The following ERRFI1 variants were observed in gnomAD, a reference collection of about 807,000 sequenced individuals.
The protein encoded by ERRFI1 is mitogen-inducible gene 6 protein.
Under a neutral mutation model 14.6 loss-of-function variants are expected in ERRFI1, and 12 were observed. The observed-to-expected ratio is 0.82, with a 90% CI of 0.53 to 1.33. ERRFI1 has a LOEUF of 1.33. ERRFI1 is among the 40% of genes most tolerant of loss of function. The pLI is 0.00. For synonymous variants in ERRFI1, 202 were observed against 209.9 expected, an observed-to-expected ratio of 0.96 and a Z score of 0.32; for missense variants, 482 against 572.1, an observed-to-expected ratio of 0.84 and a Z score of 1.61.
chr1:8,013,157 A>G lies in ERRFI1; in HGVS notation c.*53T>C. ...TCTCTGCACTTCAATCAAACTGGAA[A>G]ATTGAGAACCATTTGCTCCTATGTA... is the stretch of plus-strand genomic sequence containing the variant. On this transcript the variant is annotated 3_prime_UTR_variant, in exon 4 of 4. Coordinates refer to ENST00000377482, the MANE Select transcript of ERRFI1 (RefSeq NM_018948.4). The surrounding 1 kb of genome is among the most constrained non-coding windows in gnomAD (Gnocchi z 4.3). 1.4e-6 allele frequency: 2 copies of G among 1,472,818 alleles called. No homozygotes were observed. The highest frequency in any genetic ancestry group is 1.8e-6 in the Non-Finnish European group (2 of 1,091,268). The allele number at this position is 1,472,818 out of a possible 1,614,324, so 91.2% of individuals were successfully genotyped here. A position where few individuals can be genotyped will look rare whatever the true frequency, so the allele number is the denominator to read the frequency against.
At position 8,015,374 on chromosome 1, in the gene ERRFI1, T is replaced by A; in HGVS notation, c.136A>T (p.Asn46Tyr). 4 of 1,614,170 alleles carry A rather than the reference T, an allele frequency of 2.5e-6. No individual in the cohort carries two copies. The highest frequency in any genetic ancestry group is 3.4e-6 in the Non-Finnish European group (4 of 1,179,980). Reference protein sequence around the residue: ...SRSEFKNNFLNIDPITMAYSL... With the variant: ...SRSEFKNNFLYIDPITMAYSL... Reference sequence around the variant, plus strand: ...TAGGCCATGGTTATCGGGTCAATATTTAAAAAGTTGCTGAAAGGAGAGGAA... The same window carrying A: ...TAGGCCATGGTTATCGGGTCAATATATAAAAAGTTGCTGAAAGGAGAGGAA... Residue 46 changes from asparagine (N) to tyrosine (Y), a missense_variant, in exon 3 of 4, where the codon AAT (asparagine) becomes TAT (tyrosine). Coordinates refer to ENST00000377482, the MANE Select transcript of ERRFI1 (RefSeq NM_018948.4).
chr1:8,014,945 A>C (rs1569583964), intron 3 of ERRFI1: 1 of 232,340 alleles, frequency 4.3e-6, no homozygotes. Context: ...CATTTATACT[A>C]TTTTCATCTA....
rs1303020008 is a variant in ERRFI1, at chr1:8,012,175, C to T, written c.*1035G>A. 1 of 226,846 alleles carries T rather than the reference C, an allele frequency of 4.4e-6. No individual in the cohort carries two copies. The highest frequency in any genetic ancestry group is 8.8e-6 in the Non-Finnish European group (1 of 113,826). The allele number at this position is 226,846 out of a possible 1,614,324, so 14.1% of individuals were successfully genotyped here. A position where few individuals can be genotyped will look rare whatever the true frequency, so the allele number is the denominator to read the frequency against. On this transcript the variant is annotated 3_prime_UTR_variant, in exon 4 of 4. Transcript: ENST00000377482. Reference sequence around the variant, plus strand: ...TGAGCTATGGGTCAGAAGTGTTTTACTTAAAAAGCAAACAATCCCCAGGAA... The same window carrying T: ...TGAGCTATGGGTCAGAAGTGTTTTATTTAAAAAGCAAACAATCCCCAGGAA...
Position 8,013,697 on chromosome 1 carries a change from C to T in ERRFI1, c.902G>A (p.Trp301Ter). The change falls in exon 4 of 4, where the codon TGG (tryptophan) becomes TAG (stop). Residue 301 changes from tryptophan to a stop codon, truncating the protein, a stop_gained. Coordinates refer to ENST00000377482, the MANE Select transcript of ERRFI1 (RefSeq NM_018948.4). LOFTEE classifies it high-confidence loss of function. The surrounding 1 kb of genome is among the most constrained non-coding windows in gnomAD (Gnocchi z 4.3). ...PRPVKPDYRR[W>*]SAEVTSSTYS... Reference sequence around the variant, plus strand: ...GGTGCTCGAAGTAACTTCTGCTGACCATCTTCTATAATCTGGCTTTACTGG... The same window carrying T: ...GGTGCTCGAAGTAACTTCTGCTGACTATCTTCTATAATCTGGCTTTACTGG... 1 of 1,614,128 alleles carries T rather than the reference C, an allele frequency of 6.2e-7. No homozygotes were observed. The highest frequency in any genetic ancestry group is 8.5e-7 in the Non-Finnish European group (1 of 1,180,026).
intron 3 of ERRFI1, chr1:8,014,718 A>C (rs143153505): frequency 6.9e-5 from 22 of 320,992 alleles, no homozygotes; most frequent in Admixed American, 2.8e-4. Flanking sequence ...AATTTACATG[A>C]ATACCATACT....
chr1:8,016,999 C>G (rs2124069037), intron 1 of ERRFI1, among the ~76,000 whole-genome samples: 1 of 150,978 alleles, frequency 6.6e-6, no homozygotes, highest in South Asian at 2.1e-4. Context: ...GAGGCTGTGT[C>G]TCAATCACCT....
rs971804769 is a variant in ERRFI1, at chr1:8,022,949, G to A, written c.-74+3209C>T. Among the ~76,000 whole-genome samples, 4 of 152,156 alleles carry A rather than the reference G, an allele frequency of 2.6e-5. No individual in the cohort carries two copies. In the East Asian group the frequency reaches 7.7e-4, roughly 29 times the overall value. ...GCCAAGCAAGCAAACAATTTTAGAT[G>A]GCGATACCTTCCAAGGAAACAAGCA... On this transcript the variant is annotated intron_variant, in intron 1 of 3. Coordinates refer to ENST00000377482, the MANE Select transcript of ERRFI1 (RefSeq NM_018948.4).
rs1641089030 is a variant in ERRFI1, at chr1:8,011,863, CTTCA to C, written c.*1343_*1346del. 5 of 221,746 alleles carry C rather than the reference CTTCA, an allele frequency of 2.3e-5. No homozygotes were observed. The East Asian group carries it at 3.3e-4, about 15-fold the overall frequency. 13.7% of individuals were successfully genotyped at this position (221,746 alleles called of 1,614,324 possible). Reference sequence around the variant, plus strand: ...GCATTTTTCTTAAGCATGTTTTAACCTTCATTTAGTTCATACTAAAATATAATAA... The same window carrying C: ...GCATTTTTCTTAAGCATGTTTTAACCTTTAGTTCATACTAAAATATAATAA... On this transcript the variant is annotated 3_prime_UTR_variant, in exon 4 of 4. Transcript: ENST00000377482.
Position 8,026,244 on chromosome 1 carries a change from ATCGCGCAGGCGCCTCTTGCTGGC to A in ERRFI1, c.-183_-161del, listed in dbSNP as rs1325169485. On this transcript the variant is annotated 5_prime_UTR_variant, in exon 1 of 4. The change creates a new upstream start codon in the 5' untranslated region. Transcript: ENST00000377482. ...GCGCCGCGGGCTCAGGGGCCCGGACATCGCGCAGGCGCCTCTTGCTGGCTCGCGCTCCCGCTAGCACTCTGCCT... is the reference window on the plus strand; with the variant it reads ...GCGCCGCGGGCTCAGGGGCCCGGACATCGCGCTCCCGCTAGCACTCTGCCT... The A allele has an allele frequency of 2.6e-5, 4 of 152,124 alleles. No homozygotes were observed. Among genetic ancestry groups the A allele is most frequent in the African/African-American group, 4.8e-5 (2 of 41,366 alleles). 9.4% of individuals were successfully genotyped at this position (152,124 alleles called of 1,614,324 possible).
At chr1:8,020,894 G>C (rs1269244185) in intron 1 of ERRFI1, among the ~76,000 whole-genome samples, 1 of 152,202 alleles carries the variant, frequency 6.6e-6, no homozygotes, top group Non-Finnish European at 1.5e-5. Context: ...GGAAAAGAAA[G>C]AGGGAGGCAA....
chr1:8,013,875 T>C lies in ERRFI1; in HGVS notation c.724A>G (p.Thr242Ala). The change falls in exon 4 of 4, where the codon ACC becomes GCC. Residue 242 changes from threonine to alanine, a missense_variant. Transcript: ENST00000377482. This position sits in a 1 kb window ranked among gnomAD's most constrained non-coding sequence, Gnocchi z 4.3. Reference sequence around the variant, plus strand: ...TGAGACCTTCTTAATCTTCGGTGGGTCTGAGGTGGAGGAGGATTTGGATCT... The same window carrying C: ...TGAGACCTTCTTAATCTTCGGTGGGCCTGAGGTGGAGGAGGATTTGGATCT... The part of the protein sequence containing the change: ...VPDPNPPPPQ[T>A]HRRLRRSHSG... The C allele has an allele frequency of 6.2e-7, 1 of 1,613,988 alleles. No homozygotes were observed. The highest frequency in any genetic ancestry group is 8.5e-7 in the Non-Finnish European group (1 of 1,179,968).
Position 8,013,363 on chromosome 1 carries a change from C to G in ERRFI1, c.1236G>C (p.Arg412Ser). Residue 412 changes from arginine to serine, a missense_variant, in exon 4 of 4, where the codon AGG becomes AGC. Arg to Ser is a moderately radical substitution (Grantham distance 110). Coordinates refer to ENST00000377482, the MANE Select transcript of ERRFI1 (RefSeq NM_018948.4). The surrounding 1 kb of genome is among the most constrained non-coding windows in gnomAD (Gnocchi z 4.3). ...CGCCTCCATTTGTTTCTTCTGCTTC[C>G]CTAAAAAATTTTTCATATTTGTCCA... ...PYLDKYEKFF[R>S]EAEETNGGAQ... The G allele has an allele frequency of 1.9e-6, 3 of 1,614,108 alleles. No homozygotes were observed. Among genetic ancestry groups the G allele is most frequent in the Non-Finnish European group, 2.5e-6 (3 of 1,180,036 alleles).
chr1:8,018,982 C>T (rs924011550), intron 1 of ERRFI1, among the ~76,000 whole-genome samples: 2 of 152,224 alleles, frequency 1.3e-5, no homozygotes, highest in African/African-American at 4.8e-5. Flanking sequence ...TCACTTCATA[C>T]TCCATTCCCC....
rs36053481 is a variant in ERRFI1 at position 8,020,552 on chromosome 1, AT to A, written c.-73-4861del. ...CAAACAAACAAACAAAAAAACACCA[AT>A]TTTTTTTTTTTTTTTTTGAGACGGA... On this transcript the variant is annotated intron_variant, in intron 1 of 3. Coordinates refer to ENST00000377482, the MANE Select transcript of ERRFI1 (RefSeq NM_018948.4). Among the ~76,000 whole-genome samples the A allele has an allele frequency of 7.6e-3, 1,015 of 134,126 alleles. 8 individuals carry two copies. Among genetic ancestry groups the A allele is most frequent in the African/African-American group, 0.022 (777 of 35,816 alleles). The allele number at this position is 134,126 out of a possible 152,430, so 88.0% of individuals were successfully genotyped here. A position where few individuals can be genotyped will look rare whatever the true frequency, so the allele number is the denominator to read the frequency against.
In ERRFI1 at chr1:8,026,150, C is replaced by T. The variant is rs1315628949; in HGVS notation, c.-74+8G>A. 6.6e-6 allele frequency: 1 copy of T among 151,798 alleles called. No individual in the cohort carries two copies. The highest frequency in any genetic ancestry group is 1.5e-5 in the Non-Finnish European group (1 of 67,928). The allele number at this position is 151,798 out of a possible 1,614,324, so 9.4% of individuals were successfully genotyped here. A position where few individuals can be genotyped will look rare whatever the true frequency, so the allele number is the denominator to read the frequency against. On this transcript the variant is annotated splice_region_variant and intron_variant, in intron 1 of 3. Transcript: ENST00000377482. ...CTCCCCACCCCCTCAGCGCGCCAGG[C>T]CCCTTACCCCGGAGGAGCGGCGGCT...
At chr1:8,020,338 C>A (rs1287543837) in intron 1 of ERRFI1, among the ~76,000 whole-genome samples, 1 of 152,106 alleles carries the variant, frequency 6.6e-6, no homozygotes, top group African/African-American at 2.4e-5. Flanking sequence ...ATTTAAGAAT[C>A]ACCTACATTA....
chr1:8,014,583 A>G, intron 3 of ERRFI1, 187 bp from the exon 4 acceptor site: 1 of 586,704 alleles, frequency 1.7e-6, no homozygotes, highest in Admixed American at 3.4e-5. Context: ...TTCTTAACGC[A>G]CATGGTGTGG....
chr1:8,025,383 G>T (rs1641329671), intron 1 of ERRFI1, among the ~76,000 whole-genome samples: 1 of 152,146 alleles, frequency 6.6e-6, no homozygotes, highest in African/African-American at 2.4e-5. Flanking sequence ...ACATAATTTT[G>T]CAGTCCGATT....
intron 1 of ERRFI1, among the ~76,000 whole-genome samples, chr1:8,021,165 G>C (rs1051041453): frequency 1.3e-5 from 2 of 152,126 alleles, no homozygotes; most frequent in African/African-American, 2.4e-5. Context: ...ACCATTTGTA[G>C]GTGGTGAAAT....
Sources: allele counts gnomAD v4.1 joint callset (sites outside exome capture counted in the v4.1 genomes callset), GRCh38; gene constraint gnomAD v4.1.1; non-coding constraint Gnocchi (gnomAD v3.1); transcripts MANE v1.5; gene names NCBI Gene and HGNC (gene_info 2026-07-23, HGNC 2026-07-21).